MEI1: variants seen among roughly 807,000 people sequenced by gnomAD.
MEI1 encodes the protein meiotic double-stranded break formation protein 1.
A neutral mutation model predicts 146.2 loss-of-function variants in MEI1; 103 were observed. That is an observed-to-expected ratio of 0.70 (90% CI 0.60 to 0.83). The LOEUF (loss-of-function observed/expected upper bound fraction) is 0.83. Ranked by LOEUF, MEI1 falls within the 40% of genes least tolerant of loss-of-function variation. The probability of loss-of-function intolerance (pLI) is 0.00; values close to 1 mark genes in which losing one functional copy is unlikely to be tolerated. For missense variants in MEI1, 1,529 were observed against 1,533.0 expected (o/e 1.00, Z 0.04); for synonymous variants, 652 against 628.2 (o/e 1.04, Z -0.57).
At chr22:41,796,932 A>G (rs553274060) in intron 30 of MEI1, among the ~76,000 whole-genome samples, 21 of 152,264 alleles carry the variant, frequency 1.4e-4, no homozygotes, top group Middle Eastern at 3.4e-3. Context: ...GCGACAAAAC[A>G]TGACTCTGTC....
At chr22:41,707,852 A>G (rs1044089655) in intron 3 of MEI1, among the ~76,000 whole-genome samples, 1 of 152,236 alleles carries the variant, frequency 6.6e-6, no homozygotes, top group African/African-American at 2.4e-5. Flanking sequence ...TGTGATTTGC[A>G]GAGTCCAGTC....
At chr22:41,778,871 T>C (rs1417357862) in intron 22 of MEI1, 59 bp downstream of exon 22, 2 of 1,214,792 alleles carry the variant, frequency 1.6e-6, no homozygotes, top group Non-Finnish European at 2.4e-6. Flanking sequence ...CAGTGGGTGC[T>C]CACTAAGTAG....
chr22:41,733,121 C>T (rs1024965014), intron 11 of MEI1, among the ~76,000 whole-genome samples: 15 of 151,670 alleles, frequency 9.9e-5, no homozygotes, highest in East Asian at 7.9e-4. Context: ...GTATTGAACA[C>T]GTACAGACTT....
chr22:41,778,112 C>T (rs1254583356), intron 21 of MEI1, among the ~76,000 whole-genome samples: 4 of 152,066 alleles, frequency 2.6e-5, no homozygotes, highest in African/African-American at 4.8e-5. Context: ...CCTCAGACTC[C>T]TGAGTAGCTG....
intron 20 of MEI1, 56 bp downstream of exon 20, chr22:41,771,017 A>C (rs1360625643): frequency 6.3e-7 from 1 of 1,575,492 alleles, no homozygotes; most frequent in African/African-American, 1.3e-5. Context: ...TCTCTCTCTG[A>C]GAGCCGGTTT....
chr22:41,758,224 C>A, intron 17 of MEI1, 141 bp from the exon 18 acceptor site: 1 of 663,686 alleles, frequency 1.5e-6, no homozygotes, highest in Non-Finnish European at 2.3e-6. Flanking sequence ...GAAGAGGAGC[C>A]TCTGATTTCC....
At chr22:41,717,937 C>A in intron 5 of MEI1, 134 bp from the exon 6 acceptor site, 1 of 730,484 alleles carries the variant, frequency 1.4e-6, no homozygotes, top group Non-Finnish European at 2.2e-6. Context: ...TTAGATTAAG[C>A]ATGCAGAAAG....
At chr22:41,747,054 T>TAATAAA (rs2073351849) in intron 14 of MEI1, among the ~76,000 whole-genome samples, 1 of 151,270 alleles carries the variant, frequency 6.6e-6, no homozygotes, top group Non-Finnish European at 1.5e-5. Flanking sequence ...ACTTTTATAA[T>TAATAAA]AATAATAATA....
At chr22:41,761,939 CATA>C (rs1404670396) in intron 18 of MEI1, among the ~76,000 whole-genome samples, 2 of 152,220 alleles carry the variant, frequency 1.3e-5, no homozygotes, top group Non-Finnish European at 2.9e-5. Context: ...ATCCAGTGAG[CATA>C]ATGTTTGTAC....
rs1341601727 is a variant in MEI1 at position 41,723,956 on chromosome 22, G to A, written c.747G>A (p.Gln249=). The A allele has an allele frequency of 6.2e-7, 1 of 1,603,276 alleles. No individual in the cohort carries two copies. The highest frequency in any genetic ancestry group is 8.5e-7 in the Non-Finnish European group (1 of 1,174,836). The change falls in exon 7 of 31, where the codon CAG becomes CAA. Residue 249 remains glutamine, a synonymous_variant. Coordinates refer to ENST00000401548, the MANE Select transcript of MEI1 (RefSeq NM_152513.4). ...TTTGTTTCCTAGGTTTGCTGAGGCA[G>A]CTGTTGAAGTATGATCTCTTTGTGT... ...LQINCLGLLR[Q]LLKYDLFVSM...
intron 6 of MEI1, among the ~76,000 whole-genome samples, chr22:41,720,948 T>C (rs1444524293): frequency 2.1e-5 from 3 of 145,600 alleles, no homozygotes; most frequent in Non-Finnish European, 4.6e-5. Context: ...ATTTTTTGAA[T>C]TTTTTTTTTT....
intron 20 of MEI1, among the ~76,000 whole-genome samples, chr22:41,772,258 G>A (rs570519127): frequency 6.6e-6 from 1 of 151,588 alleles, no homozygotes; most frequent in Admixed American, 6.6e-5. Context: ...TTCTTGCTCT[G>A]TTGCCCAGGC....
intron 18 of MEI1, among the ~76,000 whole-genome samples, chr22:41,760,319 T>TA (rs575438849): frequency 1.6e-4 from 23 of 139,636 alleles, no homozygotes; most frequent in Middle Eastern, 3.8e-3. Context: ...CAAAAAAAAA[T>TA]AAAAAAAAGA....
At chr22:41,713,615 C>G (rs1391154753) in intron 3 of MEI1, among the ~76,000 whole-genome samples, 1 of 152,182 alleles carries the variant, frequency 6.6e-6, no homozygotes, top group Non-Finnish European at 1.5e-5. Flanking sequence ...ATGGCACGAT[C>G]TTGGCTCACT....
intron 3 of MEI1, among the ~76,000 whole-genome samples, chr22:41,706,426 A>G (rs1485745085): frequency 6.6e-6 from 1 of 152,204 alleles, no homozygotes; most frequent in African/African-American, 2.4e-5. Flanking sequence ...TACAATCTGG[A>G]GAAGAGATTG....
At chr22:41,744,863 G>A (rs1216018632) in intron 12 of MEI1, 110 bp from the exon 13 acceptor site, 5 of 497,314 alleles carry the variant, frequency 1.0e-5, no homozygotes, top group Non-Finnish European at 1.4e-5. Flanking sequence ...TTAGGTGTAT[G>A]GGAATGTCAG....
intron 1 of MEI1, among the ~76,000 whole-genome samples, chr22:41,702,074 AAGGAAAAACAGG>A (rs1339362640): frequency 6.6e-6 from 1 of 152,240 alleles, no homozygotes. Context: ...TGAATTGGTG[AAGGAAAAACAGG>A]AGCCTTACAG....
chr22:41,758,575 C>A lies in MEI1; in HGVS notation c.2120+42C>A, dbSNP rs187597168. On this transcript the variant is annotated intron_variant, in intron 18 of 30. Transcript: ENST00000401548. ...GGGTGGCTGGTGGTGGGTCTTGGGA[C>A]CTTCATCAGCAGTTCAGTTCAATAA... 68 of 1,572,820 alleles carry A rather than the reference C, an allele frequency of 4.3e-5. No individual in the cohort carries two copies. In the African/African-American group the frequency reaches 6.9e-4, roughly 16 times the overall value.
chr22:41,738,043 G>A (rs1316432257), intron 11 of MEI1, among the ~76,000 whole-genome samples: 1 of 152,098 alleles, frequency 6.6e-6, no homozygotes, highest in African/African-American at 2.4e-5. Flanking sequence ...GGCTGGGCAC[G>A]GTGGCTCACG....
Sources: allele counts gnomAD v4.1 joint callset (sites outside exome capture counted in the v4.1 genomes callset), GRCh38; gene constraint gnomAD v4.1.1; transcripts MANE v1.5; gene names NCBI Gene and HGNC (gene_info 2026-07-23, HGNC 2026-07-21).